Variants in CAMK1D observed in about 807,000 individuals in gnomAD.
The protein encoded by CAMK1D is calcium/calmodulin dependent protein kinase ID, also known as calcium/calmodulin-dependent protein kinase type 1D.
In CAMK1D, 9 loss-of-function variants were observed where a neutral mutation model predicts 47.7. The observed-to-expected ratio is 0.19, with a 90% CI of 0.11 to 0.33. The LOEUF (loss-of-function observed/expected upper bound fraction) is 0.33. Among genes scored for constraint, CAMK1D ranks in the 10% least tolerant of loss-of-function variants. The pLI is 1.00. For missense variants in CAMK1D, 291 were observed against 488.7 expected, an observed-to-expected ratio of 0.60 and a Z score of 3.81; for synonymous variants, 184 against 184.9, an observed-to-expected ratio of 0.99 and a Z score of 0.04.
chr10:12,728,692 C>G (rs775236737), intron 3 of CAMK1D, among the ~76,000 whole-genome samples: 16 of 152,216 alleles, frequency 1.1e-4, no homozygotes, highest in Non-Finnish European at 2.2e-4. Flanking sequence ...CTCTGGCTGC[C>G]CTTTCAATTC....
chr10:12,511,149 G>C (rs1282500318), intron 1 of CAMK1D, among the ~76,000 whole-genome samples: 2 of 152,194 alleles, frequency 1.3e-5, no homozygotes, highest in African/African-American at 4.8e-5. Context: ...GGGTGACGGG[G>C]AATCTGGGTT....
chr10:12,491,456 A>C (rs1490861812), intron 1 of CAMK1D, among the ~76,000 whole-genome samples: 1 of 152,178 alleles, frequency 6.6e-6, no homozygotes, highest in East Asian at 1.9e-4. Context: ...GGTGATACAA[A>C]AATAAGGAAA....
At chr10:12,662,828 T>C (rs1840313781) in intron 2 of CAMK1D, among the ~76,000 whole-genome samples, 1 of 152,234 alleles carries the variant, frequency 6.6e-6, no homozygotes, top group African/African-American at 2.4e-5. Flanking sequence ...TTATATTTTC[T>C]GTGTGCCAGT....
chr10:12,746,729 C>T (rs1252430109), intron 3 of CAMK1D, among the ~76,000 whole-genome samples: 1 of 152,154 alleles, frequency 6.6e-6, no homozygotes, highest in South Asian at 2.1e-4. Context: ...GAGGCCATGC[C>T]CTTGTGCCAC....
intron 2 of CAMK1D, among the ~76,000 whole-genome samples, chr10:12,643,302 C>T (rs1301887337): frequency 1.3e-5 from 2 of 152,152 alleles, no homozygotes; most frequent in Non-Finnish European, 2.9e-5. Flanking sequence ...TGCCCGGCCA[C>T]ATTTTGTTTT....
chr10:12,744,955 C>T (rs771534730), intron 3 of CAMK1D, among the ~76,000 whole-genome samples: 9 of 152,320 alleles, frequency 5.9e-5, no homozygotes, highest in African/African-American at 1.7e-4. Context: ...TCTGTGCCCA[C>T]GAAACTTCAT....
At chr10:12,813,549 G>A (rs1588958671) in intron 6 of CAMK1D, among the ~76,000 whole-genome samples, 1 of 152,084 alleles carries the variant, frequency 6.6e-6, no homozygotes, top group East Asian at 1.9e-4. Context: ...TAGGTTTTTA[G>A]GGCGTGTGGG....
In CAMK1D at chr10:12,523,427, C is replaced by G. The variant is rs575833206; in HGVS notation, c.93-29798C>G. On this transcript the variant is annotated intron_variant, in intron 1 of 10. Transcript: ENST00000619168. ...GGTGGAGGTTGTAGCCAGCCGAGAT[C>G]AGGCCACTGCACTCCAGCCTGGGCA... Among the ~76,000 whole-genome samples, 20 of 152,342 alleles carry G rather than the reference C, an allele frequency of 1.3e-4. No individual in the cohort carries two copies. The East Asian group carries it at 2.5e-3, about 19-fold the overall frequency.
intron 1 of CAMK1D, among the ~76,000 whole-genome samples, chr10:12,411,002 A>T (rs1052905721): frequency 6.6e-6 from 1 of 151,900 alleles, no homozygotes; most frequent in African/African-American, 2.4e-5. Context: ...GTTAGCCTAC[A>T]CTCTTCCTGT....
chr10:12,437,106 C>T (rs1832655141), intron 1 of CAMK1D, among the ~76,000 whole-genome samples: 1 of 45,964 alleles, frequency 2.2e-5, no homozygotes, highest in African/African-American at 4.5e-5. Flanking sequence ...CTAGACTCAG[C>T]AGCCAGATTT....
At position 12,411,817 on chromosome 10, in the gene CAMK1D, C is replaced by CTCAAAT. The variant is rs1389923932; in HGVS notation, c.92+61909_92+61910insAAATTC. Among the ~76,000 whole-genome samples, 161 of 20,662 alleles carry CTCAAAT rather than the reference C, an allele frequency of 7.8e-3. 1 individual carries two copies. The highest frequency in any genetic ancestry group is 0.033 in the African/African-American group (152 of 4,656). 13.6% of individuals were successfully genotyped at this position (20,662 alleles called of 152,430 possible). A position where few individuals can be genotyped will look rare whatever the true frequency, so the allele number is the denominator to read the frequency against. On this transcript the variant is annotated intron_variant, in intron 1 of 10. Transcript: ENST00000619168. ...GTTTCGCCGTGTTGGGCAGGCTGGT[C>CTCAAAT]TCCTGACCTCAGGTGATCCGCCCGC...
At chr10:12,672,443 A>G (rs1480834930) in intron 3 of CAMK1D, among the ~76,000 whole-genome samples, 1 of 151,996 alleles carries the variant, frequency 6.6e-6, no homozygotes, top group Admixed American at 6.6e-5. Flanking sequence ...ATCTCGGCTC[A>G]CTGCAACCTC....
chr10:12,388,485 G>GA (rs1214576727), intron 1 of CAMK1D, among the ~76,000 whole-genome samples: 1 of 152,162 alleles, frequency 6.6e-6, no homozygotes, highest in African/African-American at 2.4e-5. Context: ...TTACAGCAGA[G>GA]AAAAAAGCCT....
intron 1 of CAMK1D, among the ~76,000 whole-genome samples, chr10:12,450,455 G>A (rs920883022): frequency 2.6e-5 from 4 of 152,180 alleles, no homozygotes; most frequent in African/African-American, 4.8e-5. Context: ...AAGAAGGATC[G>A]AAGCTTTAGA....
At chr10:12,760,286 A>G (rs781518126) in intron 3 of CAMK1D, among the ~76,000 whole-genome samples, 3 of 152,256 alleles carry the variant, frequency 2.0e-5, no homozygotes, top group Non-Finnish European at 4.4e-5. Flanking sequence ...AAAAGGATAC[A>G]GCATCACTAA....
Position 12,761,016 on chromosome 10 carries a change from C to T in CAMK1D, c.368C>T (p.Thr123Ile). 1.9e-6 allele frequency: 3 copies of T among 1,614,154 alleles called. No homozygotes were observed. Among genetic ancestry groups the T allele is most frequent in the Non-Finnish European group, 2.5e-6 (3 of 1,180,028 alleles). Reference protein sequence around the residue: ...KGFYTEKDASTLIRQVLDAVY... With the variant: ...KGFYTEKDASILIRQVLDAVY... ...TTTTATACAGAGAAGGATGCCAGCA[C>T]TCTGATCCGCCAAGTCTTGGACGCC... Residue 123 changes from threonine to isoleucine, a missense_variant, in exon 4 of 11, where the codon ACT (threonine) becomes ATT (isoleucine). By Grantham distance (89) the Thr-to-Ile change is moderately conservative (BLOSUM62 -1). Coordinates refer to ENST00000619168, the MANE Select transcript of CAMK1D (RefSeq NM_153498.4).
chr10:12,795,338 A>G (rs1838152370), intron 6 of CAMK1D, among the ~76,000 whole-genome samples: 1 of 152,212 alleles, frequency 6.6e-6, no homozygotes, highest in Non-Finnish European at 1.5e-5. Context: ...AGCGTTAGAC[A>G]TCAGAACTCG....
chr10:12,355,494 A>G (rs964276779), intron 1 of CAMK1D, among the ~76,000 whole-genome samples: 1 of 144,292 alleles, frequency 6.9e-6, no homozygotes, highest in African/African-American at 2.5e-5. Flanking sequence ...GTGCGTGTGT[A>G]TGTGTGTGTG....
At chr10:12,395,277 C>G (rs1564312165) in intron 1 of CAMK1D, among the ~76,000 whole-genome samples, 1 of 151,408 alleles carries the variant, frequency 6.6e-6, no homozygotes. Flanking sequence ...GGTCCCAAAC[C>G]CTTGGCCTCA....
Sources: allele counts gnomAD v4.1 joint callset (sites outside exome capture counted in the v4.1 genomes callset), GRCh38; gene constraint gnomAD v4.1.1; transcripts MANE v1.5; gene names NCBI Gene and HGNC (gene_info 2026-07-23, HGNC 2026-07-21).